CCDC171: variants seen among roughly 807,000 people sequenced by gnomAD.
CCDC171 encodes the protein coiled-coil domain-containing protein 171.
Under a neutral mutation model 168.2 loss-of-function variants are expected in CCDC171, and 177 were observed. The ratio of observed to expected loss-of-function variants is 1.05; its 90% CI spans 0.93 to 1.19. CCDC171 has a LOEUF of 1.19. Ranked by LOEUF, CCDC171 falls within the 50% of genes most tolerant of loss-of-function variation. CCDC171 has a pLI of 0.00. For missense variants in CCDC171, 1,991 were observed against 1,539.0 expected (o/e 1.29, Z -4.91); for synonymous variants, 687 against 540.8 (o/e 1.27, Z -3.75).
rs140621722 is a variant in CCDC171, at chr9:15,645,170, C to T, written c.823-11957C>T. Among the ~76,000 whole-genome samples the T allele has an allele frequency of 6.1e-3, 931 of 152,340 alleles. 12 individuals carry two copies. Among genetic ancestry groups the T allele is most frequent in the African/African-American group, 0.022 (898 of 41,580 alleles). ...CCTCCAGCAAACTCCAACAGACCTG[C>T]AGCTGAGGGTCCTGTTAGAAGGAGA... On this transcript the variant is annotated intron_variant, in intron 7 of 25. Transcript: ENST00000380701.
chr9:16,021,048 A>G (rs1406635514), intron 4 of CCDC171, among the ~76,000 whole-genome samples: 1 of 152,224 alleles, frequency 6.6e-6, no homozygotes, highest in Admixed American at 6.5e-5. Context: ...GCTTTTTGCT[A>G]TATTTTAATT....
chr9:15,571,724 G>C lies in CCDC171; in HGVS notation c.142G>C (p.Glu48Gln). ...LRKKLHWAKK[E>Q]KLEITTKHNA... is the part of the protein sequence containing the mutation. ...GAAGAAACTCCATTGGGCTAAAAAA[G>C]AAAAGTTAGAAATAACAACCAAACA... The change falls in exon 3 of 26, where the codon GAA (glutamate) becomes CAA (glutamine). Residue 48 changes from glutamate to glutamine, a missense_variant. Glu to Gln is a conservative substitution (Grantham distance 29). Coordinates refer to ENST00000380701, the MANE Select transcript of CCDC171 (RefSeq NM_173550.4). 6.3e-7 allele frequency: 1 copy of C among 1,589,746 alleles called. No individual in the cohort carries two copies. The highest frequency in any genetic ancestry group is 8.5e-7 in the Non-Finnish European group (1 of 1,173,924).
At chr9:15,954,950 T>G (rs914060805) in intron 25 of CCDC171, among the ~76,000 whole-genome samples, 5 of 152,136 alleles carry the variant, frequency 3.3e-5, no homozygotes, top group African/African-American at 1.2e-4. Context: ...TTCTATTGAT[T>G]TATTATTTTC....
chr9:15,852,875 C>T (rs1453563361), intron 23 of CCDC171, among the ~76,000 whole-genome samples: 1 of 151,544 alleles, frequency 6.6e-6, no homozygotes, highest in Non-Finnish European at 1.5e-5. Context: ...ATTCATACTC[C>T]TGTTGAAAAT....
intron 3 of CCDC171, among the ~76,000 whole-genome samples, chr9:15,575,575 A>G (rs1050209424): frequency 6.6e-6 from 1 of 152,192 alleles, no homozygotes; most frequent in African/African-American, 2.4e-5. Context: ...TCTTGAGAGC[A>G]GGGATTCTTA....
At chr9:16,006,396 G>A (rs1180918366) in intron 3 of CCDC171, among the ~76,000 whole-genome samples, 1 of 152,074 alleles carries the variant, frequency 6.6e-6, no homozygotes, top group Non-Finnish European at 1.5e-5. Context: ...GTATATCTTT[G>A]AAGAAATGAC....
intron 21 of CCDC171, among the ~76,000 whole-genome samples, chr9:15,798,841 A>G (rs1323730649): frequency 6.6e-6 from 1 of 151,924 alleles, no homozygotes; most frequent in Admixed American, 6.6e-5. Context: ...CTATTGGCTT[A>G]TTAGGTATTT....
At chr9:15,930,524 G>C (rs1826386122) in intron 25 of CCDC171, among the ~76,000 whole-genome samples, 1 of 151,456 alleles carries the variant, frequency 6.6e-6, no homozygotes, top group African/African-American at 2.4e-5. Flanking sequence ...TGTAGAGGTG[G>C]ACATACATAG....
the CCDC171 span, among the ~76,000 whole-genome samples, chr9:16,070,307 C>A: frequency 6.6e-6 from 1 of 152,108 alleles, no homozygotes; most frequent in African/African-American, 2.4e-5. Flanking sequence ...CCTCGGCAAA[C>A]AATTGGTGGG....
At chr9:15,660,333 A>G (rs2133025097) in intron 8 of CCDC171, among the ~76,000 whole-genome samples, 1 of 152,020 alleles carries the variant, frequency 6.6e-6, no homozygotes, top group South Asian at 2.1e-4. Context: ...TTCAGCTTTT[A>G]TTTAGATTCC....
chr9:15,607,677 A>G (rs2043326935), intron 6 of CCDC171, among the ~76,000 whole-genome samples: 1 of 151,882 alleles, frequency 6.6e-6, no homozygotes, highest in Non-Finnish European at 1.5e-5. Context: ...TGGCCAATCT[A>G]TTCTTGAACT....
In CCDC171 at chr9:15,920,336, G is replaced by A. The variant is rs752267027; in HGVS notation, c.3667G>A (p.Glu1223Lys). The change falls in exon 25 of 26, where the codon GAA becomes AAA. Residue 1223 changes from glutamate to lysine, a missense_variant. By Grantham distance (56) the Glu-to-Lys change is moderately conservative (BLOSUM62 1). Transcript: ENST00000380701. ...CACTAGAATCATGACATTAGAGAAG[G>A]AAATGACATCTCATCGAAGTCACAT... ...ASTRIMTLEK[E>K]MTSHRSHIAA... The A allele has an allele frequency of 8.7e-6, 14 of 1,609,152 alleles. No individual in the cohort carries two copies. The highest frequency in any genetic ancestry group is 1.1e-5 in the Non-Finnish European group (13 of 1,176,568).
At chr9:15,725,749 C>A (rs2053759957) in intron 14 of CCDC171, among the ~76,000 whole-genome samples, 1 of 152,080 alleles carries the variant, frequency 6.6e-6, no homozygotes, top group Non-Finnish European at 1.5e-5. Flanking sequence ...TGTGCCTGGC[C>A]TAGTTTCCTT....
intron 24 of CCDC171, among the ~76,000 whole-genome samples, chr9:15,881,761 C>T (rs1246365721): frequency 2.6e-5 from 4 of 152,156 alleles, no homozygotes; most frequent in African/African-American, 7.2e-5. Flanking sequence ...ATTTAATGAC[C>T]TGCAGTTCTA....
At chr9:15,993,854 C>T (rs1832286358) in intron 3 of CCDC171, among the ~76,000 whole-genome samples, 1 of 152,164 alleles carries the variant, frequency 6.6e-6, no homozygotes, top group Non-Finnish European at 1.5e-5. Context: ...TATCACTGGC[C>T]ATCAGAGAAA....
intron 1 of CCDC171, among the ~76,000 whole-genome samples, chr9:16,054,849 G>A (rs1219702276): frequency 6.6e-6 from 1 of 152,176 alleles, no homozygotes; most frequent in Non-Finnish European, 1.5e-5. Context: ...CTAAGGCAAT[G>A]AGCATTGTTG....
chr9:16,026,180 G>C (rs993858085), intron 6 of CCDC171, among the ~76,000 whole-genome samples: 7 of 152,110 alleles, frequency 4.6e-5, no homozygotes, highest in Admixed American at 4.6e-4. Flanking sequence ...GAACCTAAAG[G>C]TTGTGGAGTC....
intron 4 of CCDC171, chr9:15,587,742 T>A (rs2041675998): frequency 2.3e-6 from 1 of 431,138 alleles, no homozygotes; most frequent in African/African-American, 2.0e-5. Flanking sequence ...TTTCTAACTT[T>A]TAATGAGAGT....
intron 6 of CCDC171, among the ~76,000 whole-genome samples, chr9:15,605,515 TAA>T (rs71325923): frequency 9.1e-5 from 9 of 99,114 alleles, no homozygotes; most frequent in African/African-American, 4.1e-5. Flanking sequence ...CTGTCTCTAC[TAA>T]AAAAAAAAAA....
Sources: allele counts gnomAD v4.1 joint callset (sites outside exome capture counted in the v4.1 genomes callset), GRCh38; gene constraint gnomAD v4.1.1; transcripts MANE v1.5; gene names NCBI Gene and HGNC (gene_info 2026-07-23, HGNC 2026-07-21).